The following FXN variants were observed in gnomAD, a reference collection of about 807,000 sequenced individuals.
The protein encoded by FXN is frataxin, also known as frataxin, mitochondrial.
Under a neutral mutation model 22.4 loss-of-function variants are expected in FXN, and 14 were observed. The observed-to-expected ratio is 0.62, with a 90% confidence interval of 0.41 to 0.98. FXN has a LOEUF of 0.98. Ranked by LOEUF, FXN falls within the 50% of genes least tolerant of loss-of-function variation. The pLI, the probability that FXN is intolerant of heterozygous loss-of-function variation, is 0.00. For synonymous variants in FXN, 120 were observed against 114.1 expected (o/e 1.05, Z -0.33); for missense variants, 267 against 268.4 (o/e 0.99, Z 0.04).
intron 4 of FXN, among the ~76,000 whole-genome samples, chr9:69,067,199 C>T (rs12684239): frequency 0.021 from 3,250 of 152,320 alleles, 37 homozygotes; most frequent in East Asian, 0.06. Flanking sequence ...CGTCCCGCTC[C>T]GGGCCTCACC....
intron 2 of FXN, 28 bp downstream of exon 2, chr9:69,046,510 G>A (rs112826541): frequency 1.3e-5 from 20 of 1,493,060 alleles, no homozygotes; most frequent in Non-Finnish European, 1.8e-5. Context: ...CCACGTCATA[G>A]GTATCTTCCT....
In FXN at chr9:69,074,841, G is replaced by GT. The variant is rs1438955815; in HGVS notation, c.*2082dup. ...ATTATTTTTTGAGTCTGATGGAAATGTTTAAGTGCAGTAGGCCAGTGCCAG... is the reference window on the plus strand; with the variant it reads ...ATTATTTTTTGAGTCTGATGGAAATGTTTTAAGTGCAGTAGGCCAGTGCCAG... On this transcript the variant is annotated 3_prime_UTR_variant, in exon 5 of 5. Coordinates refer to ENST00000484259, the MANE Select transcript of FXN (RefSeq NM_000144.5). 13 of 982,012 alleles carry GT rather than the reference G, an allele frequency of 1.3e-5. No individual in the cohort carries two copies. The East Asian group carries it at 1.5e-3, about 112-fold the overall frequency. 60.8% of individuals were successfully genotyped at this position (982,012 alleles called of 1,614,324 possible).
chr9:69,060,214 C>CA (rs1178916714), intron 3 of FXN, among the ~76,000 whole-genome samples: 2 of 151,882 alleles, frequency 1.3e-5, no homozygotes, highest in Non-Finnish European at 2.9e-5. Flanking sequence ...TAAAAAAATA[C>CA]AAAAAAATTA....
chr9:69,072,800 G>T lies in FXN; in HGVS notation c.*38G>T. On this transcript the variant is annotated 3_prime_UTR_variant, in exon 5 of 5. Transcript: ENST00000484259. The stretch of plus-strand genomic sequence containing the variant: ...TTTTAAGGACATTAAAAGCTATCAG[G>T]CCAAGACCCCAGCTTCATTATGCAG... 6.2e-7 allele frequency: 1 copy of T among 1,613,538 alleles called. No individual in the cohort carries two copies. Among genetic ancestry groups the T allele is most frequent in the Non-Finnish European group, 8.5e-7 (1 of 1,180,004 alleles).
intron 2 of FXN, among the ~76,000 whole-genome samples, chr9:69,049,834 T>C (rs1831819864): frequency 6.6e-6 from 1 of 152,186 alleles, no homozygotes; most frequent in Non-Finnish European, 1.5e-5. Flanking sequence ...CAATCACTAA[T>C]CTACTTTCTG....
intron 3 of FXN, among the ~76,000 whole-genome samples, chr9:69,058,375 G>GA (rs1832002159): frequency 6.6e-6 from 1 of 151,514 alleles, no homozygotes; most frequent in Admixed American, 6.6e-5. Context: ...CCCACTACCT[G>GA]AAGTTACCTC....
chr9:69,068,100 A>G (rs1832206184), intron 4 of FXN, among the ~76,000 whole-genome samples: 1 of 152,162 alleles, frequency 6.6e-6, no homozygotes, highest in Non-Finnish European at 1.5e-5. Context: ...CAGCAGAAGG[A>G]AGCTTGAAAT....
Position 69,064,997 on chromosome 9 carries a change from G to A in FXN, c.444G>A (p.Gln148=), listed in dbSNP as rs765250715. The A allele has an allele frequency of 1.9e-6, 3 of 1,613,862 alleles. No individual in the cohort carries two copies. In the African/African-American group the frequency reaches 4.0e-5, roughly 22 times the overall value. ...TAGGAACCTATGTGATCAACAAGCAGACGCCAAACAAGCAAATCTGGCTAT... is the reference window on the plus strand; with the variant it reads ...TAGGAACCTATGTGATCAACAAGCAAACGCCAAACAAGCAAATCTGGCTAT... ...GDLGTYVINK[Q]TPNKQIWLSS... is the part of the protein sequence containing the mutation. Residue 148 remains glutamine (Q), a synonymous_variant, in exon 4 of 5, where the codon CAG becomes CAA. Coordinates refer to ENST00000484259, the MANE Select transcript of FXN (RefSeq NM_000144.5).
chr9:69,071,255 G>A (rs1832269892), intron 4 of FXN: 2 of 519,010 alleles, frequency 3.9e-6, no homozygotes, highest in Non-Finnish European at 7.7e-6. Context: ...CTGTGACCCT[G>A]ATGGTTTGGT....
intron 1 of FXN, among the ~76,000 whole-genome samples, chr9:69,041,856 C>T (rs1831663089): frequency 1.3e-5 from 2 of 152,194 alleles, no homozygotes; most frequent in South Asian, 4.1e-4. Context: ...TCTGAAGCCT[C>T]AAGCTAGGCA....
intron 3 of FXN, among the ~76,000 whole-genome samples, chr9:69,054,361 G>A (rs996933420): frequency 1.1e-4 from 17 of 152,206 alleles, no homozygotes; most frequent in African/African-American, 3.9e-4. Flanking sequence ...CCAGGGAAGT[G>A]CTGGTCTTTA....
intron 4 of FXN, among the ~76,000 whole-genome samples, chr9:69,067,865 C>G (rs1029948830): frequency 2.6e-5 from 4 of 152,318 alleles, no homozygotes; most frequent in African/African-American, 9.6e-5. Context: ...CCCACTTACT[C>G]TTATTCACAG....
chr9:69,061,246 C>T (rs1832066954), intron 3 of FXN, among the ~76,000 whole-genome samples: 1 of 152,194 alleles, frequency 6.6e-6, no homozygotes, highest in African/African-American at 2.4e-5. Flanking sequence ...TATGCTGAGG[C>T]ATTGTGGTGA....
intron 4 of FXN, among the ~76,000 whole-genome samples, chr9:69,071,437 T>C (rs1186613710): frequency 6.6e-6 from 1 of 152,208 alleles, no homozygotes; most frequent in Non-Finnish European, 1.5e-5. Flanking sequence ...AGGTGCCCTT[T>C]CTTCTGGGCT....
chr9:69,060,487 A>G (rs1384928398), intron 3 of FXN, among the ~76,000 whole-genome samples: 2 of 152,032 alleles, frequency 1.3e-5, no homozygotes, highest in Non-Finnish European at 2.9e-5. Context: ...GGGCATGCAC[A>G]CTCCCAAAAT....
chr9:69,040,339 A>G (rs1412132425), intron 1 of FXN, among the ~76,000 whole-genome samples: 2 of 152,182 alleles, frequency 1.3e-5, no homozygotes, highest in African/African-American at 4.8e-5. Flanking sequence ...CTTGCAGACA[A>G]TTTACACAAG....
intron 2 of FXN, among the ~76,000 whole-genome samples, 193 bp downstream of exon 2, chr9:69,046,675 C>G (rs1210517971): frequency 6.6e-6 from 1 of 152,194 alleles, no homozygotes; most frequent in East Asian, 1.9e-4. Context: ...AACCCATCCC[C>G]TACTGTTGGA....
At chr9:69,062,897 A>C (rs1484875229) in intron 3 of FXN, among the ~76,000 whole-genome samples, 1 of 152,044 alleles carries the variant, frequency 6.6e-6, no homozygotes, top group Non-Finnish European at 1.5e-5. Flanking sequence ...TAAAATTAAA[A>C]AAAAAAAAAA....
In FXN at chr9:69,074,805, T is replaced by G; in HGVS notation, c.*2043T>G. On this transcript the variant is annotated 3_prime_UTR_variant, in exon 5 of 5. Coordinates refer to ENST00000484259, the MANE Select transcript of FXN (RefSeq NM_000144.5). ...AAAGCTAAATAGGTAAAATATTTTTTCTGAAATAAAATTATTTTTTGAGTC... is the reference window on the plus strand; with the variant it reads ...AAAGCTAAATAGGTAAAATATTTTTGCTGAAATAAAATTATTTTTTGAGTC... The G allele has an allele frequency of 1.1e-6, 1 of 948,866 alleles. No individual in the cohort carries two copies. The highest frequency in any genetic ancestry group is 1.3e-6 in the Non-Finnish European group (1 of 796,558). The allele number at this position is 948,866 out of a possible 1,614,324, so 58.8% of individuals were successfully genotyped here.
Sources: allele counts gnomAD v4.1 joint callset (sites outside exome capture counted in the v4.1 genomes callset), GRCh38; gene constraint gnomAD v4.1.1; transcripts MANE v1.5; gene names NCBI Gene and HGNC (gene_info 2026-07-23, HGNC 2026-07-21).